PAK1: variants seen among roughly 807,000 people sequenced by gnomAD.
The protein encoded by PAK1 is serine/threonine-protein kinase PAK 1.
Under a neutral mutation model 67.4 loss-of-function variants are expected in PAK1, and 29 were observed. The observed-to-expected ratio is 0.43, with a 90% confidence interval of 0.32 to 0.59. PAK1 has a LOEUF of 0.59. PAK1 is among the 20% of genes least tolerant of loss of function. The probability of loss-of-function intolerance (pLI) is 0.07; values close to 1 mark genes in which losing one functional copy is unlikely to be tolerated. For synonymous variants in PAK1, 223 were observed against 237.4 expected (o/e 0.94, Z 0.56); for missense variants, 337 against 670.7 (o/e 0.50, Z 5.50).
intron 3 of PAK1, among the ~76,000 whole-genome samples, chr11:77,379,672 G>A (rs767120633): frequency 1.3e-5 from 2 of 152,174 alleles, no homozygotes; most frequent in Non-Finnish European, 2.9e-5. Context: ...CTGCTACCAA[G>A]CCTACCATTT....
Position 77,336,157 on chromosome 11 carries a change from A to G in PAK1, c.1342T>C (p.Trp448Arg). Residue 448 changes from tryptophan (W) to arginine (R), a missense_variant, in exon 13 of 15, where the codon TGG becomes CGG. Transcript: ENST00000356341. ...RKAYGPKVDI[W>R]SLGIMAIEMI... ...TCGATGGCCATGATGCCCAGGGACC[A>G]GATGTCAACCTTGGGCCCATAGGCC... The G allele has an allele frequency of 6.2e-7, 1 of 1,613,972 alleles. No homozygotes were observed. The highest frequency in any genetic ancestry group is 8.5e-7 in the Non-Finnish European group (1 of 1,179,812).
At chr11:77,379,133 C>T (rs1949490825) in intron 4 of PAK1, 108 bp downstream of exon 4, 9 of 958,968 alleles carry the variant, frequency 9.4e-6, no homozygotes, top group Non-Finnish European at 1.2e-5. Flanking sequence ...GCCACTTCCA[C>T]TCTTTCCACT....
At chr11:77,450,393 T>C (rs1956805013) in intron 1 of PAK1, among the ~76,000 whole-genome samples, 1 of 152,006 alleles carries the variant, frequency 6.6e-6, no homozygotes, top group Non-Finnish European at 1.5e-5. Context: ...ACACAATGAC[T>C]AGGGATGAAG....
chr11:77,490,762 CTT>C, the PAK1 span, among the ~76,000 whole-genome samples: 4 of 152,310 alleles, frequency 2.6e-5, no homozygotes, highest in South Asian at 6.2e-4. Flanking sequence ...ACATGGGAAA[CTT>C]TTCATTTTGT....
chr11:77,425,262 A>T (rs571412089), intron 1 of PAK1, among the ~76,000 whole-genome samples: 26 of 149,474 alleles, frequency 1.7e-4, no homozygotes, highest in African/African-American at 5.8e-4. Flanking sequence ...CTTCAGACAC[A>T]GGCTTTTGCT....
chr11:77,460,531 T>C (rs1412759535), intron 1 of PAK1, among the ~76,000 whole-genome samples: 1 of 150,366 alleles, frequency 6.7e-6, no homozygotes, highest in African/African-American at 2.4e-5. Context: ...ATCTAGAAGC[T>C]GACATGGGAT....
intron 14 of PAK1, among the ~76,000 whole-genome samples, chr11:77,328,047 C>T (rs1940480385): frequency 6.6e-6 from 1 of 152,198 alleles, no homozygotes; most frequent in South Asian, 2.1e-4. Context: ...AAGGCCATTA[C>T]ATAATGGTAA....
chr11:77,472,358 C>T (rs924832257), intron 1 of PAK1, among the ~76,000 whole-genome samples: 1 of 152,082 alleles, frequency 6.6e-6, no homozygotes, highest in Non-Finnish European at 1.5e-5. Flanking sequence ...CAAATAGGAA[C>T]CAAAATGTTG....
At chr11:77,525,959 C>T in the PAK1 span, among the ~76,000 whole-genome samples, 2 of 152,204 alleles carry the variant, frequency 1.3e-5, no homozygotes, top group Non-Finnish European at 2.9e-5. Flanking sequence ...TGCACTGTTG[C>T]CATCCGCTGG....
chr11:77,495,817 T>C, the PAK1 span, among the ~76,000 whole-genome samples: 1 of 152,212 alleles, frequency 6.6e-6, no homozygotes, highest in Admixed American at 6.5e-5. Context: ...ATTCTACTTA[T>C]ATGAGATACC....
intron 13 of PAK1, among the ~76,000 whole-genome samples, chr11:77,333,078 G>A (rs1364979782): frequency 9.2e-5 from 14 of 151,906 alleles, no homozygotes; most frequent in Non-Finnish European, 2.1e-4. Flanking sequence ...TGTAAAGTAG[G>A]GATGATGATA....
intron 1 of PAK1, among the ~76,000 whole-genome samples, chr11:77,415,808 CAAT>C (rs1193767069): frequency 2.6e-5 from 4 of 151,852 alleles, no homozygotes; most frequent in African/African-American, 9.7e-5. Flanking sequence ...TTTTCTTCAA[CAAT>C]AAATTAACCT....
chr11:77,469,006 T>C (rs1451564059), intron 1 of PAK1, among the ~76,000 whole-genome samples: 1 of 152,088 alleles, frequency 6.6e-6, no homozygotes, highest in Non-Finnish European at 1.5e-5. Flanking sequence ...GTATGAATGA[T>C]AAATGTAAAC....
At position 77,406,677 on chromosome 11, in the gene PAK1, C is replaced by G. The variant is rs925714987; in HGVS notation, c.-21-14136G>C. On this transcript the variant is annotated intron_variant, in intron 1 of 14. Transcript: ENST00000356341. ...CCGGTAGTCCCAGCTACTCAAGAGG[C>G]TGAGGTGGGAGGATTGCTTGAGCCA... is the stretch of plus-strand genomic sequence containing the variant. 2.6e-5 allele frequency among the ~76,000 whole-genome samples: 4 copies of G among 152,156 alleles called. No individual in the cohort carries two copies. The East Asian group carries it at 7.7e-4, about 29-fold the overall frequency.
At chr11:77,372,238 T>C (rs562054882) in intron 5 of PAK1, among the ~76,000 whole-genome samples, 1 of 152,350 alleles carries the variant, frequency 6.6e-6, no homozygotes, top group African/African-American at 2.4e-5. Context: ...TAATTTACTA[T>C]TCAAAGATCC....
intron 11 of PAK1, among the ~76,000 whole-genome samples, chr11:77,340,259 T>C (rs1379666267): frequency 6.6e-6 from 1 of 152,158 alleles, no homozygotes; most frequent in Non-Finnish European, 1.5e-5. Context: ...CTCTGTTTTA[T>C]TTTCCTTATA....
chr11:77,334,574 C>T (rs1277700257), intron 13 of PAK1, among the ~76,000 whole-genome samples: 1 of 152,178 alleles, frequency 6.6e-6, no homozygotes, highest in Non-Finnish European at 1.5e-5. Flanking sequence ...TGTTGAGATG[C>T]TCTGTTACAA....
At chr11:77,389,426 G>A (rs189763522) in intron 2 of PAK1, among the ~76,000 whole-genome samples, 1 of 152,258 alleles carries the variant, frequency 6.6e-6, no homozygotes, top group East Asian at 1.9e-4. Flanking sequence ...TTAATCTTTT[G>A]AGGAACTGCC....
chr11:77,439,028 A>G (rs1367764804), intron 1 of PAK1, among the ~76,000 whole-genome samples: 1 of 152,194 alleles, frequency 6.6e-6, no homozygotes, highest in Non-Finnish European at 1.5e-5. Flanking sequence ...GATATACATC[A>G]TTTCATTTGC....
Sources: gnomAD v4.1 joint callset for allele counts (sites outside exome capture counted in the v4.1 genomes callset) on GRCh38, gnomAD v4.1.1 for gene constraint, MANE v1.5 for transcripts, NCBI Gene and HGNC (gene_info 2026-07-23, HGNC 2026-07-21) for gene names.